GABBR1: variants seen among roughly 807,000 people sequenced by gnomAD.
GABBR1 encodes the protein GABA-B receptor, R1 subunit.
A neutral mutation model predicts 117.7 loss-of-function variants in GABBR1; 35 were observed. The observed-to-expected ratio is 0.30, with a 90% CI of 0.23 to 0.39. The LOEUF is 0.39. Ranked by LOEUF, GABBR1 falls within the 10% of genes least tolerant of loss-of-function variation. The pLI is 1.00. For missense variants in GABBR1, 709 were observed against 1,241.8 expected, an observed-to-expected ratio of 0.57 and a Z score of 6.45; for synonymous variants, 442 against 486.6, an observed-to-expected ratio of 0.91 and a Z score of 1.21.
At position 29,627,655 on chromosome 6, in the gene GABBR1, G is replaced by T. The variant is rs1284827858; in HGVS notation, c.497-9C>A. 1 of 1,543,338 alleles carries T rather than the reference G, an allele frequency of 6.5e-7. No homozygotes were observed. Among genetic ancestry groups the T allele is most frequent in the East Asian group, 2.4e-5 (1 of 41,040 alleles). ...GTACACTGCGCGCCGTTCTGAGGAG[G>T]GGTGCGGGGGGACCCGCGAGTGAGG... On this transcript the variant is annotated splice_polypyrimidine_tract_variant and intron_variant, in intron 5 of 22. Coordinates refer to ENST00000377034, the MANE Select transcript of GABBR1 (RefSeq NM_001470.4). This position sits in a 1 kb window ranked among gnomAD's most constrained non-coding sequence, Gnocchi z 4.4.
chr6:29,630,694 T>TAAAGGGAAAGAG lies in GABBR1; in HGVS notation c.290-52_290-51insCTCTTTCCCTTT. The TAAAGGGAAAGAG allele has an allele frequency of 6.5e-7, 1 of 1,534,876 alleles. No homozygotes were observed. The highest frequency in any genetic ancestry group is 8.9e-7 in the Non-Finnish European group (1 of 1,118,948). ...GAGAGGCGAGTTGAAGAAGGCTCTT[T>TAAAGGGAAAGAG]CCCTTTAAAGAGCAGGGGACTCAGG... On this transcript the variant is annotated intron_variant, in intron 3 of 22. Transcript: ENST00000377034. This position sits in a 1 kb window ranked among gnomAD's most constrained non-coding sequence, Gnocchi z 4.9.
rs987471642 is a variant in GABBR1 at position 29,605,858 on chromosome 6, C to G, written c.2312-162G>C. The G allele has an allele frequency of 3.8e-5, 29 of 771,666 alleles. No homozygotes were observed. The highest frequency in any genetic ancestry group is 5.7e-5 in the Non-Finnish European group (28 of 490,460). The allele number at this position is 771,666 out of a possible 1,614,324, so 47.8% of individuals were successfully genotyped here. A position where few individuals can be genotyped will look rare whatever the true frequency, so the allele number is the denominator to read the frequency against. On this transcript the variant is annotated intron_variant, in intron 19 of 22. Transcript: ENST00000377034. The surrounding 1 kb of genome is among the most constrained non-coding windows in gnomAD (Gnocchi z 4.2). ...CAAACCTCACCCTGTGTCCCCTATC[C>G]CTTATGTCCACCCAACTTGCCCAGA... is the stretch of plus-strand genomic sequence containing the variant.
chr6:29,606,706 C>A lies in GABBR1; in HGVS notation c.2217+191G>T. ...TACACACCCTTCCCAGATTCCCACCCCTTCCTTTCTTCAGCTGAATCTGGA... is the reference window on the plus strand; with the variant it reads ...TACACACCCTTCCCAGATTCCCACCACTTCCTTTCTTCAGCTGAATCTGGA... On this transcript the variant is annotated intron_variant, in intron 18 of 22. Transcript: ENST00000377034. The surrounding 1 kb of genome is among the most constrained non-coding windows in gnomAD (Gnocchi z 4.5). The A allele has an allele frequency of 1.6e-6, 1 of 634,162 alleles. No homozygotes were observed. Among genetic ancestry groups the A allele is most frequent in the Non-Finnish European group, 2.8e-6 (1 of 363,316 alleles). The allele number at this position is 634,162 out of a possible 1,614,324, so 39.3% of individuals were successfully genotyped here. A position where few individuals can be genotyped will look rare whatever the true frequency, so the allele number is the denominator to read the frequency against.
rs770165347 is a variant in GABBR1, at chr6:29,631,650, A to C, written c.86-51T>G. On this transcript the variant is annotated intron_variant, in intron 2 of 22. Coordinates refer to ENST00000377034, the MANE Select transcript of GABBR1 (RefSeq NM_001470.4). This position sits in a 1 kb window ranked among gnomAD's most constrained non-coding sequence, Gnocchi z 5.9. ...CAGAGAGGAATGGTGGGAAAGAGGA[A>C]AAGGCAGGCTCCCCAGTGGGAGGAA... 6 of 1,545,998 alleles carry C rather than the reference A, an allele frequency of 3.9e-6. No individual in the cohort carries two copies. Among genetic ancestry groups the C allele is most frequent in the Non-Finnish European group, 5.4e-6 (6 of 1,118,802 alleles).
chr6:29,613,167 GT>G lies in GABBR1; in HGVS notation c.1566+75del, dbSNP rs1397794137. The G allele has an allele frequency of 1.5e-4, 220 of 1,473,362 alleles. No individual in the cohort carries two copies. Among genetic ancestry groups the G allele is most frequent in the Non-Finnish European group, 2.0e-4 (211 of 1,065,088 alleles). 91.3% of individuals were successfully genotyped at this position (1,473,362 alleles called of 1,614,324 possible). A position where few individuals can be genotyped will look rare whatever the true frequency, so the allele number is the denominator to read the frequency against. On this transcript the variant is annotated intron_variant, in intron 12 of 22. Transcript: ENST00000377034. This position sits in a 1 kb window ranked among gnomAD's most constrained non-coding sequence, Gnocchi z 4.1. ...TAACTGAGAAAAACAGAGAATGCAT[GT>G]TTGTAGAAGGTGCCTCTTGGGAGTC... is the stretch of plus-strand genomic sequence containing the variant.
intron 11 of GABBR1, among the ~76,000 whole-genome samples, chr6:29,619,080 G>C (rs1763479683): frequency 6.6e-6 from 1 of 152,198 alleles, no homozygotes; most frequent in Non-Finnish European, 1.5e-5. Flanking sequence ...CAGATCTACT[G>C]AATCAGAATT....
chr6:29,606,803 G>T lies in GABBR1; in HGVS notation c.2217+94C>A. On this transcript the variant is annotated intron_variant, in intron 18 of 22. Transcript: ENST00000377034. This position sits in a 1 kb window ranked among gnomAD's most constrained non-coding sequence, Gnocchi z 4.5. The stretch of plus-strand genomic sequence containing the variant: ...ACGAGGAAGGCACTCTCTCCAAGTA[G>T]CTTCATCCCTCAAGACACACACAGC... 2 of 1,015,210 alleles carry T rather than the reference G, an allele frequency of 2.0e-6. No individual in the cohort carries two copies. Among genetic ancestry groups the T allele is most frequent in the South Asian group, 1.4e-5 (1 of 71,182 alleles). 62.9% of individuals were successfully genotyped at this position (1,015,210 alleles called of 1,614,324 possible).
At position 29,622,360 on chromosome 6, in the gene GABBR1, G is replaced by A. The variant is rs1763842820; in HGVS notation, c.964-155C>T. The A allele has an allele frequency of 1.6e-6, 1 of 626,604 alleles. No homozygotes were observed. Among genetic ancestry groups the A allele is most frequent in the African/African-American group, 1.8e-5 (1 of 54,802 alleles). 38.8% of individuals were successfully genotyped at this position (626,604 alleles called of 1,614,324 possible). A position where few individuals can be genotyped will look rare whatever the true frequency, so the allele number is the denominator to read the frequency against. ...TCAACAGCTTCTGTCCCTGAAGTGA[G>A]GAGTTCGGGAAGGCATCTGGTCTTA... On this transcript the variant is annotated intron_variant, in intron 8 of 22. Coordinates refer to ENST00000377034, the MANE Select transcript of GABBR1 (RefSeq NM_001470.4). The surrounding 1 kb of genome is among the most constrained non-coding windows in gnomAD (Gnocchi z 4.6).
rs1762267565 is a variant in GABBR1 at position 29,609,143 on chromosome 6, T to G, written c.1859+86A>C. On this transcript the variant is annotated intron_variant, in intron 15 of 22. Coordinates refer to ENST00000377034, the MANE Select transcript of GABBR1 (RefSeq NM_001470.4). The surrounding 1 kb of genome is among the most constrained non-coding windows in gnomAD (Gnocchi z 4.3). The stretch of plus-strand genomic sequence containing the variant: ...CTCCATGATACATGGCCATGGGAGT[T>G]ACACAGGTTTTATTCTCATCCTGTC... The G allele has an allele frequency of 7.5e-7, 1 of 1,338,198 alleles. No homozygotes were observed. The highest frequency in any genetic ancestry group is 2.3e-5 in the East Asian group (1 of 42,628). The allele number at this position is 1,338,198 out of a possible 1,614,324, so 82.9% of individuals were successfully genotyped here.
chr6:29,632,721 C>G lies in GABBR1; in HGVS notation c.-1+129G>C. On this transcript the variant is annotated intron_variant, in intron 1 of 22. Transcript: ENST00000377034. The surrounding 1 kb of genome is among the most constrained non-coding windows in gnomAD (Gnocchi z 5.8). ...TCGGCCGCCTCAGCGCTCCCCGATT[C>G]CATCCCCGCGGTTCCTCCTCTCCCC... The G allele has an allele frequency of 7.4e-7, 1 of 1,343,204 alleles. No homozygotes were observed. Among genetic ancestry groups the G allele is most frequent in the Non-Finnish European group, 9.7e-7 (1 of 1,032,792 alleles). 83.2% of individuals were successfully genotyped at this position (1,343,204 alleles called of 1,614,324 possible). A position where few individuals can be genotyped will look rare whatever the true frequency, so the allele number is the denominator to read the frequency against.
rs369200956 is a variant in GABBR1, at chr6:29,624,038, G to A, written c.658-14C>T. Reference sequence around the variant, plus strand: ...GCCTGGATCACACTGAAAGACAAGAGGAGATGAGGGCAAGCTCTCCTGGGG... The same window carrying A: ...GCCTGGATCACACTGAAAGACAAGAAGAGATGAGGGCAAGCTCTCCTGGGG... On this transcript the variant is annotated splice_polypyrimidine_tract_variant and intron_variant, in intron 6 of 22. Coordinates refer to ENST00000377034, the MANE Select transcript of GABBR1 (RefSeq NM_001470.4). 2 of 1,603,552 alleles carry A rather than the reference G, an allele frequency of 1.2e-6. No homozygotes were observed. The highest frequency in any genetic ancestry group is 8.5e-7 in the Non-Finnish European group (1 of 1,174,086).
In GABBR1 at chr6:29,621,993, A is replaced by G; in HGVS notation, c.1065+111T>C. ...GAGCTAAACTTCCCCAGGAGATGCTATTGCCTCAGAGAATCAAAACCTGCC... is the reference window on the plus strand; with the variant it reads ...GAGCTAAACTTCCCCAGGAGATGCTGTTGCCTCAGAGAATCAAAACCTGCC... On this transcript the variant is annotated intron_variant, in intron 9 of 22. Transcript: ENST00000377034. This position sits in a 1 kb window ranked among gnomAD's most constrained non-coding sequence, Gnocchi z 5.0. 1 of 1,076,628 alleles carries G rather than the reference A, an allele frequency of 9.3e-7. No homozygotes were observed. The allele number at this position is 1,076,628 out of a possible 1,614,324, so 66.7% of individuals were successfully genotyped here. A position where few individuals can be genotyped will look rare whatever the true frequency, so the allele number is the denominator to read the frequency against.
In GABBR1 at chr6:29,630,659, A is replaced by G. The variant is rs774090528; in HGVS notation, c.290-16T>C. The G allele has an allele frequency of 6.3e-7, 1 of 1,595,662 alleles. No homozygotes were observed. The highest frequency in any genetic ancestry group is 8.6e-7 in the Non-Finnish European group (1 of 1,165,636). ...CAGATTCGGACTGTGGAGAGATAGG[A>G]AAATAAGAAGAGAGGCGAGTTGAAG... On this transcript the variant is annotated splice_polypyrimidine_tract_variant and intron_variant, in intron 3 of 22. Transcript: ENST00000377034. This position sits in a 1 kb window ranked among gnomAD's most constrained non-coding sequence, Gnocchi z 4.9.
chr6:29,603,151 C>T lies in GABBR1; in HGVS notation c.*392G>A, dbSNP rs1342440885. On this transcript the variant is annotated 3_prime_UTR_variant, in exon 23 of 23. Transcript: ENST00000377034. ...TGGAAAGAGCACTTGTTGGGAGACC[C>T]CTGCTGGACAGGAACAGAGCACAAA... 4 of 473,732 alleles carry T rather than the reference C, an allele frequency of 8.4e-6. No individual in the cohort carries two copies. Among genetic ancestry groups the T allele is most frequent in the Non-Finnish European group, 1.7e-5 (4 of 237,964 alleles). The allele number at this position is 473,732 out of a possible 1,614,324, so 29.3% of individuals were successfully genotyped here. A position where few individuals can be genotyped will look rare whatever the true frequency, so the allele number is the denominator to read the frequency against.
Position 29,621,952 on chromosome 6 carries a change from C to A in GABBR1, c.1066-135G>T. The A allele has an allele frequency of 9.6e-7, 1 of 1,045,160 alleles. No individual in the cohort carries two copies. The allele number at this position is 1,045,160 out of a possible 1,614,324, so 64.7% of individuals were successfully genotyped here. On this transcript the variant is annotated intron_variant, in intron 9 of 22. Transcript: ENST00000377034. This position sits in a 1 kb window ranked among gnomAD's most constrained non-coding sequence, Gnocchi z 5.0. ...TAACGCTCAACGTATAGTGAATAAA[C>A]GTCAACTGGAAGATGGAGCTAAACT...
At position 29,630,745 on chromosome 6, in the gene GABBR1, T is replaced by G; in HGVS notation, c.290-102A>C. 1.1e-6 allele frequency: 1 copy of G among 891,456 alleles called. No individual in the cohort carries two copies. The highest frequency in any genetic ancestry group is 1.7e-6 in the Non-Finnish European group (1 of 587,794). 55.2% of individuals were successfully genotyped at this position (891,456 alleles called of 1,614,324 possible). ...TGCAGGTTTGGGTCCACAAGCATCC[T>G]GCTCTAAAGAAAATCACATGTGAAA... On this transcript the variant is annotated intron_variant, in intron 3 of 22. Transcript: ENST00000377034. The surrounding 1 kb of genome is among the most constrained non-coding windows in gnomAD (Gnocchi z 4.9).
Position 29,621,355 on chromosome 6 carries a change from A to C in GABBR1, c.1132-63T>G. 9.2e-5 allele frequency: 121 copies of C among 1,313,780 alleles called. No homozygotes were observed. The highest frequency in any genetic ancestry group is 1.2e-4 in the Non-Finnish European group (112 of 928,784). 81.4% of individuals were successfully genotyped at this position (1,313,780 alleles called of 1,614,324 possible). A position where few individuals can be genotyped will look rare whatever the true frequency, so the allele number is the denominator to read the frequency against. Reference sequence around the variant, plus strand: ...CATTTGTTTGTTTTTGTCTTATCTCACTTGATACTATTTAGCCTCTTGGGA... The same window carrying C: ...CATTTGTTTGTTTTTGTCTTATCTCCCTTGATACTATTTAGCCTCTTGGGA... On this transcript the variant is annotated intron_variant, in intron 10 of 22. Coordinates refer to ENST00000377034, the MANE Select transcript of GABBR1 (RefSeq NM_001470.4). This position sits in a 1 kb window ranked among gnomAD's most constrained non-coding sequence, Gnocchi z 5.0.
rs748054962 is a variant in GABBR1 at position 29,606,543 on chromosome 6, C to T, written c.2218-59G>A. 1.8e-4 allele frequency: 204 copies of T among 1,139,276 alleles called. No homozygotes were observed. The highest frequency in any genetic ancestry group is 2.5e-4 in the Non-Finnish European group (184 of 747,574). 70.6% of individuals were successfully genotyped at this position (1,139,276 alleles called of 1,614,324 possible). A position where few individuals can be genotyped will look rare whatever the true frequency, so the allele number is the denominator to read the frequency against. On this transcript the variant is annotated intron_variant, in intron 18 of 22. Coordinates refer to ENST00000377034, the MANE Select transcript of GABBR1 (RefSeq NM_001470.4). The surrounding 1 kb of genome is among the most constrained non-coding windows in gnomAD (Gnocchi z 4.5). Reference sequence around the variant, plus strand: ...TGCCAGCCTCCCCTCCTCTCCTCAACGCTTCTCAGTCTCTGGCTTCCAACT... The same window carrying T: ...TGCCAGCCTCCCCTCCTCTCCTCAATGCTTCTCAGTCTCTGGCTTCCAACT...
Position 29,627,980 on chromosome 6 carries a change from C to T in GABBR1, c.497-334G>A, listed in dbSNP as rs1336441892. 1.5e-6 allele frequency: 2 copies of T among 1,340,810 alleles called. No homozygotes were observed. Among genetic ancestry groups the T allele is most frequent in the African/African-American group, 3.1e-5 (2 of 64,518 alleles). 83.1% of individuals were successfully genotyped at this position (1,340,810 alleles called of 1,614,324 possible). A position where few individuals can be genotyped will look rare whatever the true frequency, so the allele number is the denominator to read the frequency against. On this transcript the variant is annotated intron_variant, in intron 5 of 22. Transcript: ENST00000377034. This position sits in a 1 kb window ranked among gnomAD's most constrained non-coding sequence, Gnocchi z 4.4. Reference sequence around the variant, plus strand: ...CGGCCCCCGCGGCTCTCGCCACCGTCGCCGCCACCGCGGACTCTCCTCGCG... The same window carrying T: ...CGGCCCCCGCGGCTCTCGCCACCGTTGCCGCCACCGCGGACTCTCCTCGCG...
Sources: gnomAD v4.1 joint callset for allele counts (sites outside exome capture counted in the v4.1 genomes callset) on GRCh38, gnomAD v4.1.1 for gene constraint, Gnocchi (gnomAD v3.1) non-coding constraint, MANE v1.5 for transcripts, NCBI Gene and HGNC (gene_info 2026-07-23, HGNC 2026-07-21) for gene names.